BANK1: variants seen among roughly 807,000 people sequenced by gnomAD.
The protein encoded by BANK1 is B-cell scaffold protein with ankyrin repeats.
A neutral mutation model predicts 94.5 loss-of-function variants in BANK1; 95 were observed. The observed-to-expected ratio is 1.00, with a 90% confidence interval of 0.85 to 1.19. The LOEUF (loss-of-function observed/expected upper bound fraction) is 1.19, where lower values mean the gene tolerates loss of function less well. BANK1 is among the 50% of genes most tolerant of loss of function. BANK1 has a pLI of 0.00. For missense variants in BANK1, 987 were observed against 932.2 expected, an observed-to-expected ratio of 1.06 and a Z score of -0.77; for synonymous variants, 334 against 308.4, an observed-to-expected ratio of 1.08 and a Z score of -0.87.
At chr4:102,013,851 T>C (rs1726603041) in intron 7 of BANK1, among the ~76,000 whole-genome samples, 2 of 152,090 alleles carry the variant, frequency 1.3e-5, no homozygotes, top group Admixed American at 6.6e-5. Flanking sequence ...ACATAAAAAT[T>C]ATTTTTTAAC....
intron 6 of BANK1, among the ~76,000 whole-genome samples, chr4:101,897,494 G>A (rs1578385033): frequency 1.3e-5 from 2 of 152,070 alleles, no homozygotes; most frequent in East Asian, 3.9e-4. Context: ...AACTCTGGAT[G>A]GGTTATATCG....
rs184925798 is a variant in BANK1 at position 101,977,711 on chromosome 4, C to T, written c.1207-43803C>T. Among the ~76,000 whole-genome samples, 646 of 152,132 alleles carry T rather than the reference C, an allele frequency of 4.2e-3. 8 individuals carry two copies. Among genetic ancestry groups the T allele is most frequent in the African/African-American group, 0.015 (634 of 41,526 alleles). On this transcript the variant is annotated intron_variant, in intron 7 of 16. Transcript: ENST00000322953. The stretch of plus-strand genomic sequence containing the variant: ...CATGAATTACCATCCTGAGTGAGAT[C>T]CATGGTCATTCCAGCCAAAAATCCT...
chr4:101,854,950 TG>T, intron 2 of BANK1, 84 bp from the exon 3 acceptor site: 1 of 1,022,962 alleles, frequency 9.8e-7, no homozygotes, highest in Non-Finnish European at 1.4e-6. Context: ...TTAAATTGGT[TG>T]TTTAGCAATT....
chr4:101,848,121 T>G (rs1339287473), intron 2 of BANK1, among the ~76,000 whole-genome samples: 5 of 152,138 alleles, frequency 3.3e-5, no homozygotes, highest in African/African-American at 1.2e-4. Context: ...CGCAAACAGA[T>G]CTTCAGCTTC....
At chr4:102,014,448 A>G (rs559558159) in intron 7 of BANK1, among the ~76,000 whole-genome samples, 1 of 152,116 alleles carries the variant, frequency 6.6e-6, no homozygotes, top group Non-Finnish European at 1.5e-5. Context: ...TAGCTATTGG[A>G]ACCAGATTCA....
chr4:101,949,982 A>G (rs901905240), intron 7 of BANK1, among the ~76,000 whole-genome samples: 1 of 151,960 alleles, frequency 6.6e-6, no homozygotes, highest in Non-Finnish European at 1.5e-5. Context: ...ATGGGCAAGG[A>G]TGCCTATAAA....
At chr4:101,812,849 G>A (rs979966302) in intron 1 of BANK1, among the ~76,000 whole-genome samples, 7 of 151,820 alleles carry the variant, frequency 4.6e-5, no homozygotes, top group South Asian at 2.1e-4. Flanking sequence ...TGTTACCCAG[G>A]GACAAAAATA....
rs1179262018 is a variant in BANK1, at chr4:101,860,134, T to C, written c.625-2392T>C. On this transcript the variant is annotated intron_variant, in intron 3 of 16. Coordinates refer to ENST00000322953, the MANE Select transcript of BANK1 (RefSeq NM_017935.5). ...GAAGGAGAAAAGGAATTAAATATCA[T>C]GCCAACATTATGTTCAAGCAAGCCC... Among the ~76,000 whole-genome samples, 5 of 152,206 alleles carry C rather than the reference T, an allele frequency of 3.3e-5. No homozygotes were observed. In the East Asian group the frequency reaches 7.7e-4, roughly 23 times the overall value.
intron 7 of BANK1, among the ~76,000 whole-genome samples, chr4:102,000,150 C>T (rs572051548): frequency 1.3e-5 from 2 of 151,916 alleles, no homozygotes; most frequent in East Asian, 1.9e-4. Context: ...ATGGTGAAAC[C>T]CCATCACTAC....
chr4:102,024,948 C>T (rs898935515), intron 8 of BANK1, among the ~76,000 whole-genome samples: 5 of 152,110 alleles, frequency 3.3e-5, no homozygotes, highest in Admixed American at 6.5e-5. Context: ...ATCAGAATAT[C>T]GTTATCTGCA....
At chr4:101,808,653 C>G (rs1354713253) in intron 1 of BANK1, among the ~76,000 whole-genome samples, 1 of 150,590 alleles carries the variant, frequency 6.6e-6, no homozygotes, top group Non-Finnish European at 1.5e-5. Context: ...GAACTCAAAT[C>G]AGCAAGAAAA....
chr4:101,891,129 C>T (rs750494087), intron 5 of BANK1, among the ~76,000 whole-genome samples: 8 of 152,072 alleles, frequency 5.3e-5, no homozygotes, highest in Non-Finnish European at 8.8e-5. Context: ...AAAAGGTCTT[C>T]TTTCATTATA....
chr4:101,835,347 G>A (rs1056281571), intron 2 of BANK1, among the ~76,000 whole-genome samples: 10 of 152,076 alleles, frequency 6.6e-5, no homozygotes, highest in South Asian at 4.1e-4. Flanking sequence ...CTCTGCCCCC[G>A]TCACTTCTGG....
chr4:101,881,586 A>G (rs2148885674), intron 5 of BANK1, among the ~76,000 whole-genome samples: 1 of 152,336 alleles, frequency 6.6e-6, no homozygotes, highest in Admixed American at 6.5e-5. Flanking sequence ...AAAGAAAGGA[A>G]ATCAGTATAT....
At chr4:102,066,008 A>C (rs1162387141) in intron 13 of BANK1, among the ~76,000 whole-genome samples, 4 of 152,170 alleles carry the variant, frequency 2.6e-5, no homozygotes, top group Admixed American at 2.0e-4. Flanking sequence ...TTTTTTAAAA[A>C]ATGATGACCA....
At chr4:102,069,302 C>A (rs1578491905) in intron 13 of BANK1, among the ~76,000 whole-genome samples, 1 of 152,110 alleles carries the variant, frequency 6.6e-6, no homozygotes, top group Admixed American at 6.6e-5. Flanking sequence ...GCAGTGACGG[C>A]CCAGCATCAA....
At chr4:102,044,499 C>T (rs1221490697) in intron 11 of BANK1, among the ~76,000 whole-genome samples, 1 of 147,392 alleles carries the variant, frequency 6.8e-6, no homozygotes, top group East Asian at 2.0e-4. Context: ...CATACGTGTG[C>T]ATGTGTCTTT....
intron 9 of BANK1, among the ~76,000 whole-genome samples, chr4:102,026,691 G>A (rs565666120): frequency 5.8e-4 from 88 of 151,890 alleles, no homozygotes; most frequent in African/African-American, 1.7e-3. Context: ...TTAGCTGGGC[G>A]TGCACCTGTA....
At chr4:102,040,538 C>A (rs1230708891) in intron 10 of BANK1, among the ~76,000 whole-genome samples, 1 of 151,792 alleles carries the variant, frequency 6.6e-6, no homozygotes, top group Non-Finnish European at 1.5e-5. Context: ...TGACATATAT[C>A]CTAATTACTT....
Sources: gnomAD v4.1 joint callset for allele counts (sites outside exome capture counted in the v4.1 genomes callset) on GRCh38, gnomAD v4.1.1 for gene constraint, MANE v1.5 for transcripts, NCBI Gene and HGNC (gene_info 2026-07-23, HGNC 2026-07-21) for gene names.